RBFOX3: variants seen among roughly 807,000 people sequenced by gnomAD.
The protein encoded by RBFOX3 is RNA binding fox-1 homolog 3.
RBFOX3 carries 17 observed loss-of-function variants against 48.7 expected under a neutral mutation model. The observed-to-expected ratio is 0.35, with a 90% CI of 0.24 to 0.52. The LOEUF (loss-of-function observed/expected upper bound fraction) is 0.52. Ranked by LOEUF, RBFOX3 falls within the 20% of genes least tolerant of loss-of-function variation. The pLI is 0.94. For missense variants in RBFOX3, 382 were observed against 497.5 expected (o/e 0.77, Z 2.21); for synonymous variants, 212 against 209.5 (o/e 1.01, Z -0.10).
Position 79,441,280 on chromosome 17 carries a change from G to A in RBFOX3, c.-175+41174C>T, listed in dbSNP as rs547249975. On this transcript the variant is annotated intron_variant, in intron 2 of 14. Coordinates refer to ENST00000693108, the MANE Select transcript of RBFOX3 (RefSeq NM_001350451.2). ...CGTGCCTCCTTCCTCCCGGAGCCTC[G>A]GCCTGCAGGGGCTCAATAGTGGCCC... 9.8e-4 allele frequency among the ~76,000 whole-genome samples: 149 copies of A among 152,328 alleles called. 2 individuals carry two copies. Among genetic ancestry groups the A allele is most frequent in the South Asian group, 8.3e-4 (4 of 4,830 alleles).
At chr17:79,280,537 C>G (rs1039587527) in intron 3 of RBFOX3, among the ~76,000 whole-genome samples, 1 of 152,190 alleles carries the variant, frequency 6.6e-6, no homozygotes, top group Non-Finnish European at 1.5e-5. Flanking sequence ...AGGGGCCTCA[C>G]CCCTGCCTTG....
At chr17:79,176,593 G>A (rs751231097) in intron 4 of RBFOX3, among the ~76,000 whole-genome samples, 6 of 152,238 alleles carry the variant, frequency 3.9e-5, no homozygotes, top group Admixed American at 6.5e-5. Context: ...CGAGTAATGC[G>A]ATTTGCAAGA....
At chr17:79,654,376 A>C in the RBFOX3 span, among the ~76,000 whole-genome samples, 6 of 152,214 alleles carry the variant, frequency 3.9e-5, no homozygotes, top group Non-Finnish European at 7.3e-5. Flanking sequence ...GGGAGCAGGG[A>C]AAGGGAAGAC....
chr17:79,603,240 C>A (rs1021499258), intron 1 of RBFOX3, among the ~76,000 whole-genome samples: 3 of 152,136 alleles, frequency 2.0e-5, no homozygotes, highest in Non-Finnish European at 2.9e-5. Context: ...GATTCCCTGC[C>A]TCGGCCTCCC....
chr17:79,273,123 G>A (rs1230133791), intron 3 of RBFOX3, among the ~76,000 whole-genome samples: 4 of 152,108 alleles, frequency 2.6e-5, no homozygotes, highest in South Asian at 4.1e-4. Flanking sequence ...AGTCCCTGGC[G>A]GAATCTAGCC....
intron 2 of RBFOX3, among the ~76,000 whole-genome samples, chr17:79,453,262 C>T (rs1404766394): frequency 6.6e-6 from 1 of 152,250 alleles, no homozygotes. Flanking sequence ...AGAGCGATGC[C>T]CAGAGAACAA....
At chr17:79,411,715 G>A (rs138532056) in intron 2 of RBFOX3, among the ~76,000 whole-genome samples, 6 of 152,358 alleles carry the variant, frequency 3.9e-5, no homozygotes, top group Admixed American at 1.3e-4. Context: ...TGTTCATGCT[G>A]TGATCCATGC....
chr17:79,568,835 G>T (rs906989118), intron 1 of RBFOX3, among the ~76,000 whole-genome samples: 1 of 152,012 alleles, frequency 6.6e-6, no homozygotes, highest in Non-Finnish European at 1.5e-5. Flanking sequence ...GGGCAAACTG[G>T]CCAGACCCCC....
intron 4 of RBFOX3, among the ~76,000 whole-genome samples, chr17:79,116,477 T>C (rs1214949804): frequency 6.6e-6 from 1 of 152,258 alleles, no homozygotes; most frequent in Non-Finnish European, 1.5e-5. Context: ...ATCGCACTAT[T>C]GCGCTCCAGC....
rs1462993239 is a variant in RBFOX3 at position 79,103,205 on chromosome 17, C to T, written c.464G>A (p.Arg155Gln). The change falls in exon 8 of 15, where the codon CGG (arginine) becomes CAG (glutamine). Residue 155 changes from arginine (R) to glutamine (Q), a missense_variant. By Grantham distance (43) the Arg-to-Gln change is conservative. This residue lies in a region of RBFOX3 where 49 missense variants were observed against 110.7 expected (regional missense o/e 0.44). Coordinates refer to ENST00000693108, the MANE Select transcript of RBFOX3 (RefSeq NM_001350451.2). The surrounding 1 kb of genome is among the most constrained non-coding windows in gnomAD (Gnocchi z 6.1). ...TACGATCGTCCCATTCAGCTTCTCC[C>T]GGGCTCGGTCAGCATCTGAGCTAGT... ...FETSSDADRA[R>Q]EKLNGTIVEG... is the part of the protein sequence containing the mutation. 1.0e-5 allele frequency: 16 copies of T among 1,551,400 alleles called. No homozygotes were observed. The highest frequency in any genetic ancestry group is 4.9e-5 in the East Asian group (2 of 40,908).
intron 1 of RBFOX3, among the ~76,000 whole-genome samples, chr17:79,512,489 C>T (rs1456928235): frequency 2.1e-5 from 3 of 146,016 alleles, no homozygotes; most frequent in South Asian, 2.2e-4. Context: ...ATATTACCAT[C>T]GAGTACAGCC....
At chr17:79,451,589 A>C (rs1598750972) in intron 2 of RBFOX3, among the ~76,000 whole-genome samples, 1 of 152,162 alleles carries the variant, frequency 6.6e-6, no homozygotes, top group South Asian at 2.1e-4. Flanking sequence ...TCAGATGGGG[A>C]TCACCTACGA....
intron 2 of RBFOX3, among the ~76,000 whole-genome samples, chr17:79,375,678 C>T (rs2059142103): frequency 6.6e-6 from 1 of 152,080 alleles, no homozygotes; most frequent in Non-Finnish European, 1.5e-5. Context: ...TGGAGTTGCC[C>T]CCTTGGAGGC....
At chr17:79,614,215 G>T, upstream of RBFOX3, among the ~76,000 whole-genome samples, 1 of 152,352 alleles carries the variant, frequency 6.6e-6, no homozygotes, top group East Asian at 1.9e-4. Flanking sequence ...CCCTCTGGAG[G>T]TTTATTCCCT....
chr17:79,150,699 C>G (rs1013696980), intron 4 of RBFOX3, among the ~76,000 whole-genome samples: 9 of 152,182 alleles, frequency 5.9e-5, no homozygotes, highest in Non-Finnish European at 1.3e-4. Context: ...TCCTCCTTTC[C>G]CCAGCAACCC....
rs149460340 is a variant in RBFOX3 at position 79,168,417 on chromosome 17, C to A, written c.-33-52669G>T. Among the ~76,000 whole-genome samples the A allele has an allele frequency of 7.5e-4, 115 of 152,392 alleles. 1 individual carries two copies. Among genetic ancestry groups the A allele is most frequent in the African/African-American group, 2.6e-3 (108 of 41,598 alleles). ...TCAAGATAAACTACACATTTTGTGA[C>A]CTTATCTTAGCAATTTCTCTTCCTG... On this transcript the variant is annotated intron_variant, in intron 4 of 14. Coordinates refer to ENST00000693108, the MANE Select transcript of RBFOX3 (RefSeq NM_001350451.2).
chr17:79,331,741 C>T (rs1347352085), intron 2 of RBFOX3, among the ~76,000 whole-genome samples: 1 of 152,242 alleles, frequency 6.6e-6, no homozygotes, highest in Non-Finnish European at 1.5e-5. Context: ...CTGTGGCCTG[C>T]CCGCTGTTAA....
chr17:79,102,568 G>T (rs1302175964), intron 8 of RBFOX3, among the ~76,000 whole-genome samples: 1 of 152,226 alleles, frequency 6.6e-6, no homozygotes, highest in Non-Finnish European at 1.5e-5. Flanking sequence ...TGGACCCCTG[G>T]GGAGCAGGGA....
chr17:79,348,034 G>C (rs1177254372), intron 2 of RBFOX3, among the ~76,000 whole-genome samples: 1 of 152,172 alleles, frequency 6.6e-6, no homozygotes, highest in Non-Finnish European at 1.5e-5. Flanking sequence ...AAAAATCACA[G>C]TCAACCCCAT....
Sources: gnomAD v4.1 joint callset for allele counts (sites outside exome capture counted in the v4.1 genomes callset) on GRCh38, gnomAD v4.1.1 for gene constraint, gnomAD v4.1.1 regional missense constraint, Gnocchi (gnomAD v3.1) non-coding constraint, MANE v1.5 for transcripts, NCBI Gene and HGNC (gene_info 2026-07-23, HGNC 2026-07-21) for gene names.